SGPL1: variants seen among roughly 807,000 people sequenced by gnomAD.
The protein encoded by SGPL1 is sphingosine-1-phosphate lyase 1.
A neutral mutation model predicts 68.9 loss-of-function variants in SGPL1; 37 were observed. The ratio of observed to expected loss-of-function variants is 0.54; its 90% CI spans 0.41 to 0.71. The LOEUF (loss-of-function observed/expected upper bound fraction) is 0.71. Ranked by LOEUF, SGPL1 falls within the 30% of genes least tolerant of loss-of-function variation. The pLI, the probability that SGPL1 is intolerant of heterozygous loss-of-function variation, is 0.00. For missense variants in SGPL1, 551 were observed against 704.6 expected (o/e 0.78, Z 2.47); for synonymous variants, 236 against 248.5 (o/e 0.95, Z 0.47).
chr10:70,818,559 A>C (rs925785868), intron 2 of SGPL1, among the ~76,000 whole-genome samples: 1 of 152,336 alleles, frequency 6.6e-6, no homozygotes, highest in East Asian at 1.9e-4. Flanking sequence ...AAAAACTGGT[A>C]GTGAGATTTC....
chr10:70,864,998 T>C (rs1846153639), intron 7 of SGPL1, among the ~76,000 whole-genome samples: 1 of 152,208 alleles, frequency 6.6e-6, no homozygotes. Flanking sequence ...ATCCTGATGT[T>C]CTCTCTTCAT....
At chr10:70,839,269 C>T (rs1427715048) in intron 2 of SGPL1, among the ~76,000 whole-genome samples, 1 of 151,210 alleles carries the variant, frequency 6.6e-6, no homozygotes, top group African/African-American at 2.4e-5. Flanking sequence ...AATATTCCTA[C>T]TACTAAGGTT....
chr10:70,826,224 AACAAT>A (rs111664400), intron 2 of SGPL1, among the ~76,000 whole-genome samples: 1 of 152,130 alleles, frequency 6.6e-6, no homozygotes, highest in Admixed American at 6.6e-5. Context: ...AACACAACAC[AACAAT>A]ACAATACAAT....
chr10:70,869,813 T>C lies in SGPL1; in HGVS notation c.726T>C (p.His242=), dbSNP rs1005212415. The change falls in exon 9 of 15, where the codon CAT becomes CAC. Residue 242 remains histidine (H), a synonymous_variant. Coordinates refer to ENST00000373202, the MANE Select transcript of SGPL1 (RefSeq NM_003901.4). The stretch of plus-strand genomic sequence containing the variant: ...TTAGTGTGGCTCCCCAAAGTGCCCA[T>C]GCTGCATTTAACAAAGCAGCCAGTT... ...TPEIVAPQSA[H]AAFNKAASYF... 8.7e-6 allele frequency: 14 copies of C among 1,613,966 alleles called. No individual in the cohort carries two copies. The East Asian group carries it at 2.5e-4, about 28-fold the overall frequency.
At chr10:70,848,868 A>G (rs1589459949) in intron 3 of SGPL1, among the ~76,000 whole-genome samples, 2 of 152,200 alleles carry the variant, frequency 1.3e-5, no homozygotes, top group South Asian at 4.2e-4. Flanking sequence ...TCTTGAACTT[A>G]TTGCTTCCGT....
chr10:70,836,983 C>G (rs1564620611), intron 2 of SGPL1, among the ~76,000 whole-genome samples: 1 of 150,982 alleles, frequency 6.6e-6, no homozygotes, highest in East Asian at 1.9e-4. Context: ...TGTATAATAC[C>G]ATGTATTCTC....
At chr10:70,842,125 A>G (rs1049726872) in intron 2 of SGPL1, among the ~76,000 whole-genome samples, 1 of 152,146 alleles carries the variant, frequency 6.6e-6, no homozygotes, top group Non-Finnish European at 1.5e-5. Flanking sequence ...GTTTCATGGT[A>G]TGGGTACATA....
At chr10:70,830,361 T>C (rs1845512398) in intron 2 of SGPL1, among the ~76,000 whole-genome samples, 1 of 152,206 alleles carries the variant, frequency 6.6e-6, no homozygotes, top group African/African-American at 2.4e-5. Context: ...CAGTCTACTT[T>C]GTGTAGATTT....
intron 2 of SGPL1, among the ~76,000 whole-genome samples, chr10:70,817,710 A>C (rs1227440216): frequency 6.6e-6 from 1 of 152,210 alleles, no homozygotes; most frequent in Non-Finnish European, 1.5e-5. Context: ...ATACTAGTTT[A>C]TCTGAGTGTT....
intron 4 of SGPL1, among the ~76,000 whole-genome samples, chr10:70,852,711 TG>T (rs1845904946): frequency 7.6e-6 from 1 of 131,192 alleles, no homozygotes; most frequent in African/African-American, 2.9e-5. Flanking sequence ...TGTGTATGTG[TG>T]TGTGTGTGTG....
At chr10:70,861,540 C>G (rs1332990693) in intron 7 of SGPL1, among the ~76,000 whole-genome samples, 3 of 152,198 alleles carry the variant, frequency 2.0e-5, no homozygotes, top group Admixed American at 1.3e-4. Context: ...CCCACTTTGG[C>G]GGCACTTGAG....
At position 70,871,110 on chromosome 10, in the gene SGPL1, T is replaced by C. The variant is rs781197352; in HGVS notation, c.873T>C (p.Pro291=). 3 of 1,613,918 alleles carry C rather than the reference T, an allele frequency of 1.9e-6. No homozygotes were observed. The Admixed American group carries it at 5.0e-5, about 27-fold the overall frequency. ...AMLVCSTPQF[P]HGVIDPVPEV... is the part of the protein sequence containing the mutation. ...TCGTCTGTTCTACCCCACAGTTTCC[T>C]CATGGTGTAATAGATCCTGTCCCTG... is the stretch of plus-strand genomic sequence containing the variant. Residue 291 remains proline (P), a synonymous_variant, in exon 10 of 15, where the codon CCT becomes CCC. Coordinates refer to ENST00000373202, the MANE Select transcript of SGPL1 (RefSeq NM_003901.4).
chr10:70,845,826 C>A (rs1284052314), intron 3 of SGPL1, among the ~76,000 whole-genome samples: 1 of 152,124 alleles, frequency 6.6e-6, no homozygotes, highest in African/African-American at 2.4e-5. Context: ...AAAACAGTAA[C>A]ATTGAAGATA....
chr10:70,851,294 A>G, intron 4 of SGPL1, 84 bp downstream of exon 4: 3 of 1,184,374 alleles, frequency 2.5e-6, no homozygotes, highest in Non-Finnish European at 3.8e-6. Flanking sequence ...AATATTCTCA[A>G]AGTGGAGGGG....
At position 70,880,448 on chromosome 10, in the gene SGPL1, G is replaced by T. The variant is rs1279312177; in HGVS notation, c.*3113G>T. ...CATCATCCACTTCTGCTTACAGTTT[G>T]CTGCTTACAATAACTTAATGATGGA... On this transcript the variant is annotated 3_prime_UTR_variant, in exon 15 of 15. Coordinates refer to ENST00000373202, the MANE Select transcript of SGPL1 (RefSeq NM_003901.4). 6.6e-6 allele frequency: 1 copy of T among 152,046 alleles called. No individual in the cohort carries two copies. Among genetic ancestry groups the T allele is most frequent in the Non-Finnish European group, 1.5e-5 (1 of 68,026 alleles). The allele number at this position is 152,046 out of a possible 1,614,324, so 9.4% of individuals were successfully genotyped here.
chr10:70,841,546 C>T (rs1475267216), intron 2 of SGPL1, among the ~76,000 whole-genome samples: 1 of 152,132 alleles, frequency 6.6e-6, no homozygotes, highest in Non-Finnish European at 1.5e-5. Context: ...CAAATTTGCT[C>T]TCTGGGGGTC....
intron 10 of SGPL1, 67 bp downstream of exon 10, chr10:70,871,213 G>A: frequency 9.3e-7 from 1 of 1,075,064 alleles, no homozygotes; most frequent in Non-Finnish European, 1.4e-6. Flanking sequence ...TAATGGGGCA[G>A]TACTTGGCAA....
intron 8 of SGPL1, 146 bp downstream of exon 8, chr10:70,868,579 C>T: frequency 1.5e-6 from 1 of 651,278 alleles, no homozygotes; most frequent in Non-Finnish European, 2.7e-6. Flanking sequence ...AGCCCCTCTG[C>T]CCTTATCCTT....
chr10:70,864,551 A>G (rs946614572), intron 7 of SGPL1, among the ~76,000 whole-genome samples: 1 of 151,768 alleles, frequency 6.6e-6, no homozygotes, highest in African/African-American at 2.4e-5. Flanking sequence ...TTTTTGTTTC[A>G]TGGTCTAGGT....
Sources: allele counts gnomAD v4.1 joint callset (sites outside exome capture counted in the v4.1 genomes callset), GRCh38; gene constraint gnomAD v4.1.1; transcripts MANE v1.5; gene names NCBI Gene and HGNC (gene_info 2026-07-23, HGNC 2026-07-21).